Variants in SYNGR4 observed in about 807,000 individuals in gnomAD.
SYNGR4 encodes the protein synaptogyrin-4.
SYNGR4 carries 15 observed loss-of-function variants against 15.5 expected under a neutral mutation model. The ratio of observed to expected loss-of-function variants is 0.97; its 90% CI spans 0.65 to 1.49. The LOEUF (loss-of-function observed/expected upper bound fraction) is 1.49. SYNGR4 is among the 40% of genes most tolerant of loss of function. The pLI is 0.00. For missense variants in SYNGR4, 292 were observed against 299.3 expected, an observed-to-expected ratio of 0.98 and a Z score of 0.18; for synonymous variants, 121 against 127.4, an observed-to-expected ratio of 0.95 and a Z score of 0.34.
chr19:48,375,343 G>T (rs1970384506), intron 3 of SYNGR4, among the ~76,000 whole-genome samples: 1 of 152,038 alleles, frequency 6.6e-6, no homozygotes, highest in Non-Finnish European at 1.5e-5. Flanking sequence ...CTGTGTTAAT[G>T]AATAGAAATT....
chr19:48,367,972 G>T (rs1970245896), intron 2 of SYNGR4, among the ~76,000 whole-genome samples: 1 of 152,192 alleles, frequency 6.6e-6, no homozygotes, highest in Non-Finnish European at 1.5e-5. Flanking sequence ...CAGACCCAGG[G>T]TCTCCACCCC....
intron 3 of SYNGR4, among the ~76,000 whole-genome samples, chr19:48,374,300 C>T (rs1039136990): frequency 1.3e-5 from 2 of 152,064 alleles, no homozygotes; most frequent in Non-Finnish European, 2.9e-5. Context: ...AGGATGGTCT[C>T]GATCTCCTGA....
intron 2 of SYNGR4, among the ~76,000 whole-genome samples, chr19:48,369,571 A>C (rs1970274718): frequency 6.6e-6 from 1 of 152,200 alleles, no homozygotes; most frequent in African/African-American, 2.4e-5. Flanking sequence ...CATAGCATAG[A>C]AACAGACCAG....
Position 48,376,256 on chromosome 19 carries a change from G to A in SYNGR4, c.643G>A (p.Ala215Thr). 1 of 1,613,964 alleles carries A rather than the reference G, an allele frequency of 6.2e-7. No homozygotes were observed. Among genetic ancestry groups the A allele is most frequent in the Non-Finnish European group, 8.5e-7 (1 of 1,179,988 alleles). Residue 215 changes from alanine (A) to threonine (T), a missense_variant, in exon 5 of 5, where the codon GCC becomes ACC. Transcript: ENST00000344846. ...CAACAGCCTGAGTTATGCTAGCTCT[G>A]CCCTGTCCCCCTGTCTGACCGCTCC... is the stretch of plus-strand genomic sequence containing the variant. ...GPNSLSYASS[A>T]LSPCLTAPKS...
intron 2 of SYNGR4, 54 bp from the exon 3 acceptor site, chr19:48,373,463 A>T: frequency 6.7e-7 from 1 of 1,482,748 alleles, no homozygotes; most frequent in Non-Finnish European, 9.4e-7. Flanking sequence ...GGGAGGAAGG[A>T]GGAGCAGCTT....
chr19:48,376,258 C>T lies in SYNGR4; in HGVS notation c.645C>T (p.Ala215=). 1.9e-6 allele frequency: 3 copies of T among 1,613,868 alleles called. No homozygotes were observed. Among genetic ancestry groups the T allele is most frequent in the Admixed American group, 1.7e-5 (1 of 59,912 alleles). ...ACAGCCTGAGTTATGCTAGCTCTGCCCTGTCCCCCTGTCTGACCGCTCCAA... is the reference window on the plus strand; with the variant it reads ...ACAGCCTGAGTTATGCTAGCTCTGCTCTGTCCCCCTGTCTGACCGCTCCAA... ...GPNSLSYASS[A]LSPCLTAPKS... Residue 215 remains alanine, a synonymous_variant, in exon 5 of 5, where the codon GCC becomes GCT. Coordinates refer to ENST00000344846, the MANE Select transcript of SYNGR4 (RefSeq NM_012451.4).
chr19:48,369,256 G>A (rs1970268184), intron 2 of SYNGR4, among the ~76,000 whole-genome samples: 2 of 151,786 alleles, frequency 1.3e-5, no homozygotes, highest in African/African-American at 4.8e-5. Context: ...CCTCCCTAGG[G>A]ACAGGCCAGG....
In SYNGR4 at chr19:48,373,619, T is replaced by G. The variant is rs760795796; in HGVS notation, c.196T>G (p.Cys66Gly). 1.9e-6 allele frequency: 3 copies of G among 1,613,886 alleles called. No homozygotes were observed. In the Admixed American group the frequency reaches 5.0e-5, roughly 27 times the overall value. The change falls in exon 3 of 5, where the codon TGC becomes GGC. Residue 66 changes from cysteine to glycine, a missense_variant. Transcript: ENST00000344846. The stretch of plus-strand genomic sequence containing the variant: ...CATTCTCAACAGCAACAGCGTGGCC[T>G]GCAGCTTTGCCGTGGGAGCCGGCTT... ...HCILNSNSVA[C>G]SFAVGAGFLA...
At chr19:48,373,375 C>T (rs1039048216) in intron 2 of SYNGR4, 142 bp from the exon 3 acceptor site, 22 of 729,818 alleles carry the variant, frequency 3.0e-5, no homozygotes, top group Non-Finnish European at 4.7e-5. Context: ...GCTGAGGGCT[C>T]TGACACTGTG....
At chr19:48,366,997 T>C (rs1314814690) in intron 2 of SYNGR4, among the ~76,000 whole-genome samples, 2 of 151,568 alleles carry the variant, frequency 1.3e-5, no homozygotes, top group Non-Finnish European at 2.9e-5. Flanking sequence ...CTACTAAAAA[T>C]ACAAAAATTA....
chr19:48,375,564 C>T (rs1569047965), intron 3 of SYNGR4, 49 bp from the exon 4 acceptor site: 1 of 1,584,430 alleles, frequency 6.3e-7, no homozygotes, highest in Non-Finnish European at 8.6e-7. Context: ...AGCAGCCCTG[C>T]CTGAGTGAGC....
At chr19:48,373,267 G>T in intron 2 of SYNGR4, 2 of 524,204 alleles carry the variant, frequency 3.8e-6, no homozygotes, top group South Asian at 4.2e-5. Context: ...AGGTGGGGAA[G>T]ACTGGAGGTG....
chr19:48,370,531 A>G (rs1970288083), intron 2 of SYNGR4, among the ~76,000 whole-genome samples: 3 of 152,080 alleles, frequency 2.0e-5, no homozygotes, highest in African/African-American at 7.2e-5. Context: ...CTATCCAGGA[A>G]GAGTTCCAAT....
At chr19:48,373,407 T>G in intron 2 of SYNGR4, 110 bp from the exon 3 acceptor site, 2 of 915,096 alleles carry the variant, frequency 2.2e-6, no homozygotes, top group Non-Finnish European at 3.5e-6. Flanking sequence ...GAGGGAGAGG[T>G]CCAGACGGAC....
At chr19:48,371,971 C>T (rs892851227) in intron 2 of SYNGR4, among the ~76,000 whole-genome samples, 4 of 151,276 alleles carry the variant, frequency 2.6e-5, no homozygotes, top group African/African-American at 9.7e-5. Context: ...CCTCAACCTC[C>T]TGGGCTCAAG....
At chr19:48,374,704 G>A (rs556001768) in intron 3 of SYNGR4, among the ~76,000 whole-genome samples, 29 of 152,284 alleles carry the variant, frequency 1.9e-4, no homozygotes, top group African/African-American at 3.4e-4. Flanking sequence ...GGCCGGGGAC[G>A]GTGGCTCACA....
rs867448060 is a variant in SYNGR4, at chr19:48,371,583, T to A, written c.94-1934T>A. ...GCTCTGACACTGACCAGCTGATTTTTTTTTTTTTTTTTGAGACAGGGCCTC... is the reference window on the plus strand; with the variant it reads ...GCTCTGACACTGACCAGCTGATTTTATTTTTTTTTTTTGAGACAGGGCCTC... On this transcript the variant is annotated intron_variant, in intron 2 of 4. Transcript: ENST00000344846. Among the ~76,000 whole-genome samples the A allele has an allele frequency of 7.3e-3, 1,112 of 151,504 alleles. 7 individuals carry two copies. The highest frequency in any genetic ancestry group is 0.024 in the African/African-American group (992 of 41,294).
chr19:48,365,913 CCAT>C lies in SYNGR4; in HGVS notation c.74_76del (p.Ile25del), dbSNP rs1569043411. On this transcript the variant is annotated inframe_deletion, in exon 2 of 5. Coordinates refer to ENST00000344846, the MANE Select transcript of SYNGR4 (RefSeq NM_012451.4). ...GTGCAGTTTCTGAGAAGGCCCAAGA[CCAT>C]CACGCGGGTCTTCGAAGGGGTGAGG... The C allele has an allele frequency of 6.2e-7, 1 of 1,613,818 alleles. No homozygotes were observed. Among genetic ancestry groups the C allele is most frequent in the East Asian group, 2.2e-5 (1 of 44,874 alleles).
chr19:48,372,307 A>C (rs1970320572), intron 2 of SYNGR4, among the ~76,000 whole-genome samples: 1 of 152,010 alleles, frequency 6.6e-6, no homozygotes, highest in African/African-American at 2.4e-5. Context: ...GACCTGGGTG[A>C]GTGTTTATAG....
Sources: allele counts gnomAD v4.1 joint callset (sites outside exome capture counted in the v4.1 genomes callset), GRCh38; gene constraint gnomAD v4.1.1; transcripts MANE v1.5; gene names NCBI Gene and HGNC (gene_info 2026-07-23, HGNC 2026-07-21).